The following OR51B5 variants were observed in gnomAD, a reference collection of about 807,000 sequenced individuals.
OR51B5 encodes the protein olfactory receptor 51B5.
For synonymous variants in OR51B5, 186 were observed against 144.8 expected, an observed-to-expected ratio of 1.28 and a Z score of -2.04; for missense variants, 456 against 374.6, an observed-to-expected ratio of 1.22 and a Z score of -1.79.
chr11:5,389,515 T>A, intron 1 of OR51B5: 2 of 1,613,966 alleles, frequency 1.2e-6, no homozygotes, highest in Non-Finnish European at 1.7e-6. Flanking sequence ...AACACTGGAT[T>A]TTCATCCCCT....
rs1851043460 is a variant in OR51B5, at chr11:5,461,140, G to A, written n.84+44429C>T. Among the ~76,000 whole-genome samples, 2 of 152,234 alleles carry A rather than the reference G, an allele frequency of 1.3e-5. 1 individual carries two copies. Among genetic ancestry groups the A allele is most frequent in the African/African-American group, 4.8e-5 (2 of 41,474 alleles). ...CACAAGCGGATCACCCACTGATGGG[G>A]TGGCAAGTGAGGGCCCTGGTGAGTG... On this transcript the variant is annotated intron_variant and non_coding_transcript_variant, in intron 1 of 4. Coordinates refer to the OR51B5 transcript ENST00000415970.
intron 1 of OR51B5, among the ~76,000 whole-genome samples, chr11:5,412,983 T>C (rs1850173776): frequency 6.6e-6 from 1 of 152,058 alleles, no homozygotes; most frequent in Non-Finnish European, 1.5e-5. Flanking sequence ...ATGGGCAGAC[T>C]GCCTCCTCAA....
intron 1 of OR51B5, among the ~76,000 whole-genome samples, chr11:5,460,228 G>C (rs796499059): frequency 7.9e-5 from 12 of 152,248 alleles, no homozygotes; most frequent in African/African-American, 2.4e-4. Flanking sequence ...AACAGATACT[G>C]GGGCCTACTG....
rs1164586515 is a variant in OR51B5 at position 5,381,232 on chromosome 11, G to A, written n.85-34322C>T. ...AAACCATTTGCACATTAACAAATAG[G>A]TACACTGTTACAGTGACACTTTTCA... On this transcript the variant is annotated intron_variant and non_coding_transcript_variant, in intron 1 of 4. Coordinates refer to the OR51B5 transcript ENST00000415970. Among the ~76,000 whole-genome samples the A allele has an allele frequency of 4.6e-5, 7 of 151,042 alleles. No homozygotes were observed. In the East Asian group the frequency reaches 1.4e-3, roughly 30 times the overall value.
In OR51B5 at chr11:5,390,155, T is replaced by G. The variant is rs151091282; in HGVS notation, n.85-43245A>C. On this transcript the variant is annotated intron_variant and non_coding_transcript_variant, in intron 1 of 4. Transcript: ENST00000415970. Reference sequence around the variant, plus strand: ...GGAGCAGCGCCGTGCCTTTCAGACATGCACCGCTCCTCTCTGTGCTGTGCT... The same window carrying G: ...GGAGCAGCGCCGTGCCTTTCAGACAGGCACCGCTCCTCTCTGTGCTGTGCT... 53 of 1,613,872 alleles carry G rather than the reference T, an allele frequency of 3.3e-5. No homozygotes were observed. In the African/African-American group the frequency reaches 5.1e-4, roughly 15 times the overall value.
chr11:5,499,939 A>T (rs1032201168), intron 1 of OR51B5, among the ~76,000 whole-genome samples: 3 of 152,220 alleles, frequency 2.0e-5, no homozygotes, highest in African/African-American at 7.2e-5. Context: ...TAATGAGAAC[A>T]TGGAATATGT....
intron 1 of OR51B5, among the ~76,000 whole-genome samples, chr11:5,438,095 A>G (rs761077973): frequency 3.5e-4 from 54 of 152,178 alleles, no homozygotes; most frequent in Non-Finnish European, 7.2e-4. Flanking sequence ...ATCATGAATC[A>G]TGACCTTGTA....
At chr11:5,420,976 T>A (rs1486304152) in intron 1 of OR51B5, among the ~76,000 whole-genome samples, 1 of 152,210 alleles carries the variant, frequency 6.6e-6, no homozygotes, top group Non-Finnish European at 1.5e-5. Flanking sequence ...GTAAACTCTA[T>A]CCCAGCTTCG....
At chr11:5,341,543 TTTTAGGATA>T (rs1431936113), downstream of OR51B5, among the ~76,000 whole-genome samples, 1 of 152,144 alleles carries the variant, frequency 6.6e-6, no homozygotes, top group African/African-American at 2.4e-5. Flanking sequence ...ACCTCCCTCT[TTTTAGGATA>T]TTTTAAATTG....
rs376722767 is a variant in OR51B5 at position 5,422,684 on chromosome 11, C to G, written n.85-75774G>C. On this transcript the variant is annotated intron_variant and non_coding_transcript_variant, in intron 1 of 4. Transcript: ENST00000415970. The stretch of plus-strand genomic sequence containing the variant: ...CTGTGTTCTGGCGGTTCTTCCCTCC[C>G]TTTTCTTACTCAAGCGACTGCCTTT... The G allele has an allele frequency of 6.2e-7, 1 of 1,614,098 alleles. No homozygotes were observed. The highest frequency in any genetic ancestry group is 8.5e-7 in the Non-Finnish European group (1 of 1,179,986).
At chr11:5,417,533 C>A (rs1481696347) in intron 1 of OR51B5, among the ~76,000 whole-genome samples, 1 of 149,362 alleles carries the variant, frequency 6.7e-6, no homozygotes, top group African/African-American at 2.4e-5. Flanking sequence ...ACTCATCTGA[C>A]AAAGGGCTAA....
chr11:5,424,851 G>A lies in OR51B5; in HGVS notation n.85-77941C>T, dbSNP rs539285144. On this transcript the variant is annotated intron_variant and non_coding_transcript_variant, in intron 1 of 4. Transcript: ENST00000415970. ...GAAAAAATTAGCCGGGCGTGGTGGC[G>A]GGCGCCTATAGTCCCAGCTACTCAG... Among the ~76,000 whole-genome samples the A allele has an allele frequency of 7.5e-3, 788 of 104,680 alleles. 232 individuals carry two copies. The highest frequency in any genetic ancestry group is 0.025 in the African/African-American group (748 of 29,806). 68.7% of individuals were successfully genotyped at this position (104,680 alleles called of 152,430 possible).
rs536137923 is a variant in OR51B5, at chr11:5,360,501, G to A, written n.85-13591C>T. ...AAAAGTCAGGAAACAACAGGTGCTGGAGAGGATGTGAAGAAGTAGGAACAC... is the reference window on the plus strand; with the variant it reads ...AAAAGTCAGGAAACAACAGGTGCTGAAGAGGATGTGAAGAAGTAGGAACAC... On this transcript the variant is annotated intron_variant and non_coding_transcript_variant, in intron 1 of 4. Transcript: ENST00000415970. 1.3e-5 allele frequency among the ~76,000 whole-genome samples: 2 copies of A among 150,914 alleles called. 1 individual carries two copies. The highest frequency in any genetic ancestry group is 4.9e-5 in the African/African-American group (2 of 41,132).
downstream of OR51B5, chr11:5,340,549 A>C (rs1848878239): frequency 6.6e-6 from 1 of 151,890 alleles, no homozygotes; most frequent in African/African-American, 2.4e-5. Context: ...GAGTTTGGAG[A>C]TACAATGCAA....
intron 1 of OR51B5, among the ~76,000 whole-genome samples, chr11:5,384,071 T>A (rs189636785): frequency 2.0e-5 from 3 of 152,308 alleles, no homozygotes; most frequent in Non-Finnish European, 4.4e-5. Context: ...CAATTAAGGC[T>A]TTTCCCCCAA....
intron 1 of OR51B5, among the ~76,000 whole-genome samples, chr11:5,458,010 TG>T (rs1850986499): frequency 1.3e-5 from 2 of 152,240 alleles, no homozygotes; most frequent in African/African-American, 4.8e-5. Context: ...CAACGGCTTT[TG>T]GAGATTTCAT....
chr11:5,402,606 T>G (rs1438551671), intron 1 of OR51B5: 1 of 469,600 alleles, frequency 2.1e-6, no homozygotes, highest in Admixed American at 2.4e-5. Flanking sequence ...CATGAAAATT[T>G]CTAATAACTC....
intron 1 of OR51B5, among the ~76,000 whole-genome samples, chr11:5,415,548 AAGAG>A (rs931948546): frequency 7.8e-4 from 119 of 152,308 alleles, no homozygotes; most frequent in Admixed American, 2.7e-3. Context: ...TAAAGAAAAA[AAGAG>A]AGAAGAATCA....
intron 1 of OR51B5, among the ~76,000 whole-genome samples, chr11:5,456,995 G>C (rs1850970566): frequency 1.3e-5 from 2 of 152,130 alleles, no homozygotes; most frequent in Admixed American, 1.3e-4. Context: ...GTTTCCTGAG[G>C]CCTTCCCAGA....
Sources: allele counts gnomAD v4.1 joint callset (sites outside exome capture counted in the v4.1 genomes callset), GRCh38; gene constraint gnomAD v4.1.1; transcripts MANE v1.5; gene names NCBI Gene and HGNC (gene_info 2026-07-23, HGNC 2026-07-21).